The following ANO4 variants were observed in gnomAD, a reference collection of about 807,000 sequenced individuals.
ANO4 encodes anoctamin-4.
Under a neutral mutation model 141.9 loss-of-function variants are expected in ANO4, and 69 were observed. That is an observed-to-expected ratio of 0.49 (90% CI 0.40 to 0.59). ANO4 has a LOEUF of 0.59. Among genes scored for constraint, ANO4 ranks in the 20% least tolerant of loss-of-function variants. The pLI is 0.00. For synonymous variants in ANO4, 350 were observed against 394.3 expected (o/e 0.89, Z 1.33); for missense variants, 894 against 1,162.2 (o/e 0.77, Z 3.36).
Position 100,760,351 on chromosome 12 carries a change from A to T in ANO4, c.358+20246A>T, listed in dbSNP as rs143413518. 1.1e-4 allele frequency among the ~76,000 whole-genome samples: 16 copies of T among 152,266 alleles called. No individual in the cohort carries two copies. In the East Asian group the frequency reaches 3.1e-3, roughly 29 times the overall value. Reference sequence around the variant, plus strand: ...ACAGCCAAGAAAATAGAAAGCAGAGATGGTGAATAACCTCCCCAAAGTCTA... The same window carrying T: ...ACAGCCAAGAAAATAGAAAGCAGAGTTGGTGAATAACCTCCCCAAAGTCTA... On this transcript the variant is annotated intron_variant, in intron 3 of 29. Coordinates refer to the ANO4 transcript ENST00000644049.
intron 8 of ANO4, among the ~76,000 whole-genome samples, chr12:101,002,109 A>G (rs1014976716): frequency 6.6e-6 from 1 of 152,132 alleles, no homozygotes; most frequent in African/African-American, 2.4e-5. Flanking sequence ...CCTTAGTGGA[A>G]GCAGCCACTT....
intron 1 of ANO4, among the ~76,000 whole-genome samples, chr12:100,827,615 A>G (rs764700194): frequency 3.3e-5 from 5 of 152,004 alleles, no homozygotes; most frequent in African/African-American, 4.8e-5. Context: ...ATGTTAACAG[A>G]TGAATGATTT....
At chr12:101,024,779 G>A (rs978136587) in intron 9 of ANO4, among the ~76,000 whole-genome samples, 1 of 152,082 alleles carries the variant, frequency 6.6e-6, no homozygotes, top group Admixed American at 6.5e-5. Context: ...CCTCTGGTGC[G>A]CTAGACAAAC....
chr12:100,817,850 G>A (rs1026512373), intron 1 of ANO4, among the ~76,000 whole-genome samples: 1 of 151,830 alleles, frequency 6.6e-6, no homozygotes, highest in Non-Finnish European at 1.5e-5. Flanking sequence ...TAATATTTTG[G>A]TGGGGGCTAA....
chr12:100,838,645 G>GA (rs921614743), intron 1 of ANO4, among the ~76,000 whole-genome samples: 2 of 152,142 alleles, frequency 1.3e-5, no homozygotes, highest in African/African-American at 4.8e-5. Flanking sequence ...GTGTGGAGAG[G>GA]AAGGTGGAAA....
At chr12:100,859,643 T>C (rs1460210442) in intron 1 of ANO4, among the ~76,000 whole-genome samples, 1 of 152,186 alleles carries the variant, frequency 6.6e-6, no homozygotes, top group Non-Finnish European at 1.5e-5. Flanking sequence ...AGAATGTATT[T>C]TGTTTGCATC....
intron 3 of ANO4, among the ~76,000 whole-genome samples, chr12:100,755,825 T>C (rs2032584369): frequency 6.6e-6 from 1 of 152,198 alleles, no homozygotes; most frequent in Admixed American, 6.5e-5. Context: ...CTCCTCTCCC[T>C]TTGCTATCCA....
chr12:100,941,241 C>A (rs1404473619), intron 4 of ANO4, among the ~76,000 whole-genome samples: 1 of 151,652 alleles, frequency 6.6e-6, no homozygotes, highest in Admixed American at 6.6e-5. Context: ...AAACACTGAA[C>A]TAGAATATTC....
chr12:100,973,862 T>TC (rs1299694396), intron 6 of ANO4, among the ~76,000 whole-genome samples: 2 of 152,178 alleles, frequency 1.3e-5, no homozygotes, highest in Non-Finnish European at 2.9e-5. Flanking sequence ...ACCTTCCTTC[T>TC]CCCCCGACCT....
At chr12:101,118,785 G>T (rs893872019) in intron 25 of ANO4, among the ~76,000 whole-genome samples, 9 of 151,926 alleles carry the variant, frequency 5.9e-5, no homozygotes, top group Admixed American at 5.9e-4. Context: ...TGTTACATAT[G>T]TATACATGTG....
chr12:101,037,180 C>G (rs1178396600), intron 10 of ANO4, 30 bp downstream of exon 10: 2 of 1,605,994 alleles, frequency 1.2e-6, no homozygotes, highest in Non-Finnish European at 1.7e-6. Context: ...CTTTATCTTT[C>G]TTTCAATCGT....
At chr12:101,111,863 A>G (rs2050678474) in intron 24 of ANO4, among the ~76,000 whole-genome samples, 153 bp downstream of exon 24, 1 of 152,124 alleles carries the variant, frequency 6.6e-6, no homozygotes, top group African/African-American at 2.4e-5. Context: ...TTTATTATAA[A>G]TAATAATAAT....
chr12:101,068,765 C>A, intron 14 of ANO4: 1 of 1,267,114 alleles, frequency 7.9e-7, no homozygotes, highest in Non-Finnish European at 1.2e-6. Context: ...CACACTGCAG[C>A]CTGCTTACAT....
chr12:101,118,199 C>T (rs1038374716), intron 25 of ANO4, among the ~76,000 whole-genome samples: 2 of 152,094 alleles, frequency 1.3e-5, no homozygotes, highest in African/African-American at 2.4e-5. Flanking sequence ...GTATGAAATG[C>T]TTCAAAATAA....
intron 8 of ANO4, among the ~76,000 whole-genome samples, chr12:100,997,413 A>G (rs953237530): frequency 6.6e-6 from 1 of 151,774 alleles, no homozygotes; most frequent in Non-Finnish European, 1.5e-5. Flanking sequence ...GCCTAAATAC[A>G]ATTTTTCAAC....
At chr12:100,755,216 G>A (rs914570377) in intron 3 of ANO4, among the ~76,000 whole-genome samples, 2 of 152,102 alleles carry the variant, frequency 1.3e-5, no homozygotes, top group Non-Finnish European at 2.9e-5. Flanking sequence ...CTGCATTCCA[G>A]CTCTTCCTGG....
intron 22 of ANO4, among the ~76,000 whole-genome samples, chr12:101,110,105 G>A (rs963450687): frequency 3.9e-5 from 6 of 152,110 alleles, no homozygotes; most frequent in East Asian, 1.9e-4. Flanking sequence ...TGTCCCTACC[G>A]TAGCTCTGGA....
At position 101,053,037 on chromosome 12, in the gene ANO4, A is replaced by C. The variant is rs116314368; in HGVS notation, c.1312+4636A>C. Among the ~76,000 whole-genome samples, 680 of 152,322 alleles carry C rather than the reference A, an allele frequency of 4.5e-3. 4 individuals are homozygous for C. Among genetic ancestry groups the C allele is most frequent in the African/African-American group, 0.015 (636 of 41,568 alleles). Reference sequence around the variant, plus strand: ...GCATCTTCTGTGAAGTGTGTCAATTAAGATCTCATTAACTCATACACAAAA... The same window carrying C: ...GCATCTTCTGTGAAGTGTGTCAATTCAGATCTCATTAACTCATACACAAAA... On this transcript the variant is annotated intron_variant, in intron 14 of 27. Coordinates refer to ENST00000392977, the MANE Select transcript of ANO4 (RefSeq NM_001286615.2).
At chr12:101,100,598 C>T (rs774162649) in intron 22 of ANO4, among the ~76,000 whole-genome samples, 24 of 152,274 alleles carry the variant, frequency 1.6e-4, no homozygotes, top group Non-Finnish European at 3.2e-4. Context: ...ATGGATTCTT[C>T]TCCCATAAAG....
Sources: allele counts gnomAD v4.1 joint callset (sites outside exome capture counted in the v4.1 genomes callset), GRCh38; gene constraint gnomAD v4.1.1; transcripts MANE v1.5; gene names NCBI Gene and HGNC (gene_info 2026-07-23, HGNC 2026-07-21).